The following KIAA1549 variants were observed in gnomAD, a reference collection of about 807,000 sequenced individuals.
The protein encoded by KIAA1549 is UPF0606 protein KIAA1549.
In KIAA1549, 70 loss-of-function variants were observed where a neutral mutation model predicts 156.4. The observed-to-expected ratio is 0.45, with a 90% CI of 0.37 to 0.55. KIAA1549 has a LOEUF of 0.55. Ranked by LOEUF, KIAA1549 falls within the 20% of genes least tolerant of loss-of-function variation. KIAA1549 has a pLI of 0.00. For synonymous variants in KIAA1549, 1,103 were observed against 1,066.4 expected (o/e 1.03, Z -0.67); for missense variants, 2,428 against 2,540.9 (o/e 0.96, Z 0.96).
At chr7:138,962,481 T>A (rs1463914) in intron 1 of KIAA1549, among the ~76,000 whole-genome samples, 1 of 151,964 alleles carries the variant, frequency 6.6e-6, no homozygotes, top group African/African-American at 2.4e-5. Context: ...ACTTTTGAGC[T>A]CCAGATCTTA....
chr7:138,948,694 CT>C (rs11325172), intron 1 of KIAA1549, among the ~76,000 whole-genome samples: 50,933 of 137,920 alleles, frequency 0.37, 10,530 homozygotes, highest in African/African-American at 0.61. Context: ...TGTTTTGTGG[CT>C]TTTTTTTTTT....
intron 19 of KIAA1549, among the ~76,000 whole-genome samples, chr7:138,839,396 C>G (rs1563043733): frequency 6.6e-6 from 1 of 152,154 alleles, no homozygotes; most frequent in South Asian, 2.1e-4. Context: ...ATTGAGTGAA[C>G]AGAAGTCTCA....
At chr7:138,912,965 C>T (rs1032747465) in intron 2 of KIAA1549, among the ~76,000 whole-genome samples, 3 of 152,192 alleles carry the variant, frequency 2.0e-5, no homozygotes, top group Admixed American at 6.5e-5. Context: ...AGCTCCGCCT[C>T]CCGGGTTCAC....
rs77842062 is a variant in KIAA1549 at position 138,903,489 on chromosome 7, T to G, written c.3669+99A>C. On this transcript the variant is annotated intron_variant, in intron 8 of 19. Coordinates refer to ENST00000422774, the MANE Select transcript of KIAA1549 (RefSeq NM_001164665.2). ...AGAAATTTCTCATGGCACTTCTCATTTGCATAAAAATACAGGGTTTTAGAT... is the reference window on the plus strand; with the variant it reads ...AGAAATTTCTCATGGCACTTCTCATGTGCATAAAAATACAGGGTTTTAGAT... 1.9e-3 allele frequency: 2,416 copies of G among 1,242,468 alleles called. 40 individuals are homozygous for G. The African/African-American group carries it at 0.033, about 17-fold the overall frequency. 77.0% of individuals were successfully genotyped at this position (1,242,468 alleles called of 1,614,324 possible).
At chr7:138,845,700 T>A (rs1316031835) in intron 17 of KIAA1549, among the ~76,000 whole-genome samples, 1 of 152,184 alleles carries the variant, frequency 6.6e-6, no homozygotes, top group Non-Finnish European at 1.5e-5. Context: ...CATTCATTAA[T>A]CTCATCATCA....
intron 1 of KIAA1549, 165 bp from the exon 2 acceptor site, chr7:138,919,603 C>T (rs950511094): frequency 4.3e-6 from 5 of 1,174,352 alleles, no homozygotes; most frequent in East Asian, 5.0e-5. Context: ...GAGAAATTGA[C>T]AGAATTACCA....
intron 10 of KIAA1549, among the ~76,000 whole-genome samples, chr7:138,891,659 A>G (rs571284541): frequency 1.3e-5 from 2 of 152,186 alleles, no homozygotes; most frequent in Non-Finnish European, 2.9e-5. Flanking sequence ...ATTTTAGGTC[A>G]GCAGATTTAT....
At position 138,838,038 on chromosome 7, in the gene KIAA1549, C is replaced by T. The variant is rs765355837; in HGVS notation, c.5721G>A (p.Gly1907=). ...CCGTGGAGCTGGTGGGGTAACCCAG[C>T]CCAGGGCCCTGCAGTCCCCGGTGGG... is the stretch of plus-strand genomic sequence containing the variant. ...NLPHRGLQGP[G]LGYPTSSTED... is the part of the protein sequence containing the mutation. The change falls in exon 20 of 20, where the codon GGG becomes GGA. Residue 1907 remains glycine (G), a synonymous_variant. Coordinates refer to ENST00000422774, the MANE Select transcript of KIAA1549 (RefSeq NM_001164665.2). The T allele has an allele frequency of 1.2e-6, 2 of 1,605,494 alleles. No individual in the cohort carries two copies. The highest frequency in any genetic ancestry group is 2.2e-5 in the South Asian group (2 of 89,222).
intron 3 of KIAA1549, among the ~76,000 whole-genome samples, chr7:138,911,741 T>C (rs1812175586): frequency 6.6e-6 from 1 of 152,276 alleles, no homozygotes; most frequent in South Asian, 2.1e-4. Context: ...AAAATATCAT[T>C]TCAACATGAA....
chr7:138,866,977 A>AT (rs1337590130), intron 15 of KIAA1549, among the ~76,000 whole-genome samples: 2 of 151,504 alleles, frequency 1.3e-5, no homozygotes, highest in Non-Finnish European at 2.9e-5. Flanking sequence ...TAATTTCTGT[A>AT]TTTTTTGGAG....
At chr7:138,978,681 A>G (rs1009663234) in intron 1 of KIAA1549, among the ~76,000 whole-genome samples, 6 of 152,190 alleles carry the variant, frequency 3.9e-5, no homozygotes, top group African/African-American at 1.4e-4. Flanking sequence ...GCTGCCTCAC[A>G]TAGGAAGTCC....
At chr7:138,903,868 C>G in intron 7 of KIAA1549, 132 bp from the exon 8 acceptor site, 2 of 681,550 alleles carry the variant, frequency 2.9e-6, no homozygotes, top group Non-Finnish European at 4.4e-6. Context: ...CGCGCGCGCG[C>G]GCACATATGT....
intron 1 of KIAA1549, among the ~76,000 whole-genome samples, chr7:138,964,464 G>C (rs1159844762): frequency 6.6e-6 from 1 of 152,204 alleles, no homozygotes; most frequent in Non-Finnish European, 1.5e-5. Flanking sequence ...CCTACCTCAT[G>C]CAATTGTTGC....
intron 17 of KIAA1549, among the ~76,000 whole-genome samples, chr7:138,844,746 C>T (rs1023839693): frequency 6.6e-6 from 1 of 152,076 alleles, no homozygotes; most frequent in Non-Finnish European, 1.5e-5. Flanking sequence ...GCATCTGCCT[C>T]GTCCTGTGCT....
chr7:138,919,101 T>C lies in KIAA1549; in HGVS notation c.525A>G (p.Ile175Met). 1 of 1,614,032 alleles carries C rather than the reference T, an allele frequency of 6.2e-7. No homozygotes were observed. Among genetic ancestry groups the C allele is most frequent in the Non-Finnish European group, 8.5e-7 (1 of 1,179,894 alleles). ...HWTTPRMVSP[I>M]QYITVSPPGL... Reference sequence around the variant, plus strand: ...CTGGTGGGCTGACTGTGATATACTGTATTGGAGAAACCATCCGTGGAGTGG... The same window carrying C: ...CTGGTGGGCTGACTGTGATATACTGCATTGGAGAAACCATCCGTGGAGTGG... Residue 175 changes from isoleucine (I) to methionine (M), a missense_variant, in exon 2 of 20, where the codon ATA becomes ATG. Coordinates refer to ENST00000422774, the MANE Select transcript of KIAA1549 (RefSeq NM_001164665.2).
intron 1 of KIAA1549, among the ~76,000 whole-genome samples, chr7:138,952,950 C>T (rs770802194): frequency 6.6e-6 from 1 of 152,202 alleles, no homozygotes; most frequent in Non-Finnish European, 1.5e-5. Flanking sequence ...TCACCATTCT[C>T]CTATCACCAA....
intron 12 of KIAA1549, among the ~76,000 whole-genome samples, chr7:138,876,011 A>G (rs933401652): frequency 2.0e-5 from 3 of 151,506 alleles, no homozygotes; most frequent in African/African-American, 7.3e-5. Context: ...TACGTAGCCC[A>G]GGCTGGAAAA....
chr7:138,974,303 T>C (rs1814307745), intron 1 of KIAA1549, among the ~76,000 whole-genome samples: 1 of 150,952 alleles, frequency 6.6e-6, no homozygotes, highest in African/African-American at 2.4e-5. Flanking sequence ...CTCGGTGAGG[T>C]GGAGGGTGGC....
chr7:138,976,583 T>C (rs1814386798), intron 1 of KIAA1549, among the ~76,000 whole-genome samples: 1 of 152,196 alleles, frequency 6.6e-6, no homozygotes, highest in Non-Finnish European at 1.5e-5. Flanking sequence ...TGTTAATCTC[T>C]TACTGTGCCT....
Sources: gnomAD v4.1 joint callset for allele counts (sites outside exome capture counted in the v4.1 genomes callset) on GRCh38, gnomAD v4.1.1 for gene constraint, MANE v1.5 for transcripts, NCBI Gene and HGNC (gene_info 2026-07-23, HGNC 2026-07-21) for gene names.